Variants in SERPINB6 observed in about 807,000 individuals in gnomAD.
SERPINB6 encodes serpin B6.
In SERPINB6, 16 loss-of-function variants were observed where a neutral mutation model predicts 26.1. That is an observed-to-expected ratio of 0.61 (90% CI 0.42 to 0.93). The LOEUF (loss-of-function observed/expected upper bound fraction) is 0.93, where lower values mean the gene tolerates loss of function less well. Ranked by LOEUF, SERPINB6 falls within the 40% of genes least tolerant of loss-of-function variation. The pLI, the probability that SERPINB6 is intolerant of heterozygous loss-of-function variation, is 0.00. For missense variants in SERPINB6, 420 were observed against 478.0 expected (o/e 0.88, Z 1.13); for synonymous variants, 174 against 176.6 (o/e 0.99, Z 0.11).
intron 5 of SERPINB6, among the ~76,000 whole-genome samples, chr6:2,951,375 A>C (rs1769772362): frequency 6.7e-6 from 1 of 149,196 alleles, no homozygotes; most frequent in Admixed American, 6.8e-5. Context: ...AACAAGAGAG[A>C]AACTCTGTCT....
At chr6:2,953,286 CGGATAGAGAG>C in intron 4 of SERPINB6, 100 bp from the exon 5 acceptor site, 1 of 1,497,388 alleles carries the variant, frequency 6.7e-7, no homozygotes, top group African/African-American at 1.4e-5. Flanking sequence ...GTCAAGTGCA[CGGATAGAGAG>C]TTCCACTGTC....
rs374321672 is a variant in SERPINB6, at chr6:2,948,584, A to G, written c.845T>C (p.Met282Thr). 8 of 1,614,006 alleles carry G rather than the reference A, an allele frequency of 5.0e-6. No homozygotes were observed. In the Admixed American group the frequency reaches 8.3e-5, roughly 17 times the overall value. ...GCCCAGGTTGCGCAGGACACTCTCCATGTCGTAGCTTTCCTCTAGTTTAAA... is the reference window on the plus strand; with the variant it reads ...GCCCAGGTTGCGCAGGACACTCTCCGTGTCGTAGCTTTCCTCTAGTTTAAA... ...PRFKLEESYD[M>T]ESVLRNLGMT... Residue 282 changes from methionine to threonine, a missense_variant, in exon 7 of 7, where the codon ATG becomes ACG. Physicochemically the swap from Met to Thr is moderately conservative, Grantham distance 81. Transcript: ENST00000380539. The surrounding 1 kb of genome is among the most constrained non-coding windows in gnomAD (Gnocchi z 5.0).
In SERPINB6 at chr6:2,959,594, G is replaced by A. The variant is rs7453765; in HGVS notation, c.-10-252C>T. The stretch of plus-strand genomic sequence containing the variant: ...AGGACTCCTCCCTGCACGCCTGCCC[G>A]CACGTGGAGAAAGTGGGAAGGAGGC... On this transcript the variant is annotated intron_variant, in intron 1 of 6. Coordinates refer to ENST00000380539, the MANE Select transcript of SERPINB6 (RefSeq NM_004568.6). 0.32 allele frequency: 162,319 copies of A among 505,590 alleles called. 27,391 individuals are homozygous for A. The highest frequency in any genetic ancestry group is 0.5 in the East Asian group (13,442 of 26,872). The allele number at this position is 505,590 out of a possible 1,614,324, so 31.3% of individuals were successfully genotyped here.
chr6:2,967,821 AG>A lies in SERPINB6; in HGVS notation c.-11+3711del, dbSNP rs1185093269. ...AGATACTGGCAAGGTTGTGGAGAAA[AG>A]GGAACACTTACACACTGCTGGTGGG... On this transcript the variant is annotated intron_variant, in intron 1 of 6. Coordinates refer to ENST00000380539, the MANE Select transcript of SERPINB6 (RefSeq NM_004568.6). This position sits in a 1 kb window ranked among gnomAD's most constrained non-coding sequence, Gnocchi z 4.3. 4 of 152,244 alleles carry A rather than the reference AG, an allele frequency of 2.6e-5. No individual in the cohort carries two copies. Among genetic ancestry groups the A allele is most frequent in the Non-Finnish European group, 4.4e-5 (3 of 68,036 alleles). 9.4% of individuals were successfully genotyped at this position (152,244 alleles called of 1,614,324 possible).
In SERPINB6 at chr6:2,955,649, C is replaced by T. The variant is rs727503417; in HGVS notation, c.187G>A (p.Gly63Ser). ...MAQILSFNKS[G>S]GGGDIHQGFQ... ...CCCTGGTGGATGTCTCCACCACCGCCACTTTTATTGAAAGAAAGTATCTGA... is the reference window on the plus strand; with the variant it reads ...CCCTGGTGGATGTCTCCACCACCGCTACTTTTATTGAAAGAAAGTATCTGA... Residue 63 changes from glycine (G) to serine (S), a missense_variant, in exon 3 of 7, where the codon GGC becomes AGC. By Grantham distance (56) the Gly-to-Ser change is moderately conservative. Coordinates refer to ENST00000380539, the MANE Select transcript of SERPINB6 (RefSeq NM_004568.6). The T allele has an allele frequency of 3.5e-5, 57 of 1,614,092 alleles. No homozygotes were observed. Among genetic ancestry groups the T allele is most frequent in the Admixed American group, 1.0e-4 (6 of 60,010 alleles).
rs978777816 is a variant in SERPINB6, at chr6:2,948,804, C to T, written c.730-105G>A. ...ACACCAGTGGCAGCGTGGCTATGGT[C>T]AGCAGCGCTCCAGTGTTAAACGGCT... On this transcript the variant is annotated intron_variant, in intron 6 of 6. Transcript: ENST00000380539. This position sits in a 1 kb window ranked among gnomAD's most constrained non-coding sequence, Gnocchi z 5.0. 38 of 1,566,960 alleles carry T rather than the reference C, an allele frequency of 2.4e-5. No individual in the cohort carries two copies. The highest frequency in any genetic ancestry group is 3.1e-5 in the Non-Finnish European group (35 of 1,139,678).
intron 1 of SERPINB6, chr6:2,969,205 GCTTT>G (rs1771907381): frequency 1.0e-6 from 1 of 986,630 alleles, no homozygotes; most frequent in African/African-American, 1.7e-5. Context: ...TCTATCGAGG[GCTTT>G]CTGTTATCCT....
chr6:2,970,500 T>A, intron 1 of SERPINB6: 1 of 1,152,892 alleles, frequency 8.7e-7, no homozygotes, highest in Non-Finnish European at 1.1e-6. Context: ...GGACCTTAAC[T>A]AGAAGGTCAC....
At chr6:2,964,086 G>C (rs1398356380) in intron 1 of SERPINB6, 1 of 152,164 alleles carries the variant, frequency 6.6e-6, no homozygotes, top group Non-Finnish European at 1.5e-5. Flanking sequence ...CACTTTCTCT[G>C]TCTCATGTCA....
intron 5 of SERPINB6, 86 bp downstream of exon 5, chr6:2,952,958 G>A (rs1769979338): frequency 1.9e-6 from 3 of 1,581,148 alleles, no homozygotes; most frequent in African/African-American, 1.3e-5. Flanking sequence ...GGACAGAAAG[G>A]CCCCACGGCT....
chr6:2,955,551 A>T lies in SERPINB6; in HGVS notation c.285T>A (p.Phe95Leu). 6.2e-7 allele frequency: 1 copy of T among 1,614,246 alleles called. No individual in the cohort carries two copies. Among genetic ancestry groups the T allele is most frequent in the Non-Finnish European group, 8.5e-7 (1 of 1,180,034 alleles). ...AGAGGAAATCACAAGACTTTTCCCC[A>T]AAGAGCCTGTTGGCCATCCTAAGCA... ...QYLLRMANRL[F>L]GEKSCDFLSS... Residue 95 changes from phenylalanine to leucine, a missense_variant, in exon 3 of 7, where the codon TTT (phenylalanine) becomes TTA (leucine). Transcript: ENST00000380539.
intron 1 of SERPINB6, chr6:2,969,284 C>T: frequency 1.0e-6 from 1 of 985,460 alleles, no homozygotes; most frequent in African/African-American, 1.7e-5. Context: ...CAAGACCTGT[C>T]AATGGCTTTT....
chr6:2,962,306 A>G (rs901952158), intron 1 of SERPINB6: 3 of 764,102 alleles, frequency 3.9e-6, no homozygotes, highest in Non-Finnish European at 4.8e-6. Flanking sequence ...CCAAAGCAGG[A>G]TATTCGGAGG....
At chr6:2,950,159 T>C (rs1313939894) in intron 5 of SERPINB6, among the ~76,000 whole-genome samples, 1 of 152,150 alleles carries the variant, frequency 6.6e-6, no homozygotes, top group Non-Finnish European at 1.5e-5. Flanking sequence ...CAAGAAAACA[T>C]AAGCTTCACC....
chr6:2,948,819 G>A lies in SERPINB6; in HGVS notation c.729+95C>T. ...TGGCTATGGTCAGCAGCGCTCCAGT[G>A]TTAAACGGCTGACCGCAAAGTAGGG... On this transcript the variant is annotated intron_variant, in intron 6 of 6. Coordinates refer to ENST00000380539, the MANE Select transcript of SERPINB6 (RefSeq NM_004568.6). The surrounding 1 kb of genome is among the most constrained non-coding windows in gnomAD (Gnocchi z 5.0). 1 of 1,585,474 alleles carries A rather than the reference G, an allele frequency of 6.3e-7. No individual in the cohort carries two copies. Among genetic ancestry groups the A allele is most frequent in the Non-Finnish European group, 8.6e-7 (1 of 1,156,338 alleles).
At chr6:2,960,582 A>G (rs546284884) in intron 1 of SERPINB6, 2 of 152,534 alleles carry the variant, frequency 1.3e-5, no homozygotes, top group South Asian at 4.1e-4. Flanking sequence ...GTGAGTGGGA[A>G]CCCACGGAAC....
At position 2,959,144 on chromosome 6, in the gene SERPINB6, A is replaced by C. The variant is rs1403824974; in HGVS notation, c.165+24T>G. On this transcript the variant is annotated intron_variant, in intron 2 of 6. Transcript: ENST00000380539. ...ACCAGCTAACTTGACAGTTAATAGC[A>C]CCATGGCTGCCCTGAAGCTGTACCT... The C allele has an allele frequency of 1.9e-6, 3 of 1,614,058 alleles. No individual in the cohort carries two copies. In the South Asian group the frequency reaches 3.3e-5, roughly 18 times the overall value.
chr6:2,956,467 G>A (rs1282986765), intron 2 of SERPINB6: 2 of 152,352 alleles, frequency 1.3e-5, no homozygotes, highest in African/African-American at 4.8e-5. Flanking sequence ...CTATCCTGCC[G>A]AAGGCCACAT....
At chr6:2,971,242 A>T in intron 1 of SERPINB6, 1 of 927,352 alleles carries the variant, frequency 1.1e-6, no homozygotes, top group Non-Finnish European at 1.3e-6. Flanking sequence ...GCCACGCACG[A>T]CTCACCCGGC....
Sources: allele counts gnomAD v4.1 joint callset (sites outside exome capture counted in the v4.1 genomes callset), GRCh38; gene constraint gnomAD v4.1.1; non-coding constraint Gnocchi (gnomAD v3.1); transcripts MANE v1.5; gene names NCBI Gene and HGNC (gene_info 2026-07-23, HGNC 2026-07-21).